The following SCIN variants were observed in gnomAD, a reference collection of about 807,000 sequenced individuals.
The protein encoded by SCIN is scinderin.
Under a neutral mutation model 91.8 loss-of-function variants are expected in SCIN, and 91 were observed. The observed-to-expected ratio is 0.99, with a 90% CI of 0.84 to 1.18. The LOEUF (loss-of-function observed/expected upper bound fraction) is 1.18. Ranked by LOEUF, SCIN falls within the 50% of genes most tolerant of loss-of-function variation. The pLI, the probability that SCIN is intolerant of heterozygous loss-of-function variation, is 0.00. For missense variants in SCIN, 1,087 were observed against 863.9 expected (o/e 1.26, Z -3.24); for synonymous variants, 367 against 312.6 (o/e 1.17, Z -1.84).
In SCIN at chr7:12,629,091, T is replaced by C; in HGVS notation, c.1198-10T>C. On this transcript the variant is annotated splice_polypyrimidine_tract_variant and intron_variant, in intron 8 of 15. Coordinates refer to ENST00000297029, the MANE Select transcript of SCIN (RefSeq NM_001112706.3). ...ATTGTAATTTGTTGTATATATTCCATTCCTTCCAGATTTGGCGTGTAGAAA... is the reference window on the plus strand; with the variant it reads ...ATTGTAATTTGTTGTATATATTCCACTCCTTCCAGATTTGGCGTGTAGAAA... 1.9e-6 allele frequency: 3 copies of C among 1,607,602 alleles called. No individual in the cohort carries two copies. Among genetic ancestry groups the C allele is most frequent in the Non-Finnish European group, 2.5e-6 (3 of 1,176,654 alleles).
At chr7:12,575,186 A>C (rs1171220344) in intron 1 of SCIN, among the ~76,000 whole-genome samples, 1 of 150,658 alleles carries the variant, frequency 6.6e-6, no homozygotes, top group African/African-American at 2.4e-5. Flanking sequence ...TTACTGATGA[A>C]TCTTGTATCC....
Position 12,581,021 on chromosome 7 carries a change from T to C in SCIN, c.355-39T>C, listed in dbSNP as rs2115211215. 6 of 1,541,766 alleles carry C rather than the reference T, an allele frequency of 3.9e-6. No homozygotes were observed. The East Asian group carries it at 1.5e-4, about 38-fold the overall frequency. ...CTAGGCAGACACCTCATCAGTTTTC[T>C]CTTTGTTTTTTGTGTGTCTGTCTTC... On this transcript the variant is annotated intron_variant, in intron 2 of 15. Transcript: ENST00000297029.
intron 1 of SCIN, among the ~76,000 whole-genome samples, chr7:12,574,232 A>T (rs1479618915): frequency 1.3e-5 from 2 of 152,168 alleles, no homozygotes; most frequent in Admixed American, 6.5e-5. Context: ...CAAACTATTG[A>T]TACATACAAC....
At chr7:12,618,489 T>C (rs1431865541) in intron 4 of SCIN, among the ~76,000 whole-genome samples, 1 of 152,126 alleles carries the variant, frequency 6.6e-6, no homozygotes, top group Admixed American at 6.6e-5. Flanking sequence ...ATTTTACTTA[T>C]GAATAAAGGA....
chr7:12,579,741 C>A (rs1782449982), intron 2 of SCIN, among the ~76,000 whole-genome samples: 1 of 152,180 alleles, frequency 6.6e-6, no homozygotes, highest in South Asian at 2.1e-4. Context: ...TATGGTGAAA[C>A]TCCCTCTACT....
rs1784072175 is a variant in SCIN at position 12,651,214 on chromosome 7, A to G, written c.1960-627A>G. On this transcript the variant is annotated intron_variant, in intron 14 of 15. Coordinates refer to ENST00000297029, the MANE Select transcript of SCIN (RefSeq NM_001112706.3). The surrounding 1 kb of genome is among the most constrained non-coding windows in gnomAD (Gnocchi z 5.9). ...GAGAGAAGAGGCCTGGCTAGGAAAG[A>G]TGGTCTTGTTATGGATAAAACCTCA... 6.6e-6 allele frequency among the ~76,000 whole-genome samples: 1 copy of G among 152,192 alleles called. No individual in the cohort carries two copies. The highest frequency in any genetic ancestry group is 1.5e-5 in the Non-Finnish European group (1 of 68,042).
chr7:12,579,214 A>G (rs1730905359), intron 2 of SCIN, among the ~76,000 whole-genome samples: 3 of 152,134 alleles, frequency 2.0e-5, no homozygotes, highest in Admixed American at 2.0e-4. Flanking sequence ...ACCTGTTCAG[A>G]GTCTTCGTTG....
intron 3 of SCIN, among the ~76,000 whole-genome samples, chr7:12,598,209 C>T (rs115856916): frequency 0.014 from 2,192 of 152,238 alleles, 59 homozygotes; most frequent in African/African-American, 0.05. Context: ...TTACCTATCA[C>T]ATTTATTCAG....
intron 4 of SCIN, among the ~76,000 whole-genome samples, chr7:12,605,583 A>G (rs1043102145): frequency 6.6e-6 from 1 of 152,188 alleles, no homozygotes; most frequent in Non-Finnish European, 1.5e-5. Context: ...CTGAAGATAA[A>G]TTTATACAAT....
chr7:12,608,103 G>C (rs141036045), intron 4 of SCIN, among the ~76,000 whole-genome samples: 1 of 152,184 alleles, frequency 6.6e-6, no homozygotes, highest in East Asian at 1.9e-4. Context: ...TAGATCTTCT[G>C]CTCACTAGTA....
intron 6 of SCIN, 124 bp downstream of exon 6, chr7:12,625,266 A>G (rs565345175): frequency 1.1e-6 from 1 of 875,498 alleles, no homozygotes; most frequent in African/African-American, 1.7e-5. Context: ...TGATCTATAA[A>G]TGTCTCACAT....
At chr7:12,594,034 G>A (rs1782784308) in intron 3 of SCIN, among the ~76,000 whole-genome samples, 1 of 152,240 alleles carries the variant, frequency 6.6e-6, no homozygotes, top group African/African-American at 2.4e-5. Context: ...CGTAGAAGGA[G>A]AAAGGGACGT....
chr7:12,612,324 G>A (rs761333021), intron 4 of SCIN, among the ~76,000 whole-genome samples: 2 of 152,012 alleles, frequency 1.3e-5, no homozygotes, highest in Non-Finnish European at 2.9e-5. Flanking sequence ...TCCATTTACC[G>A]ACTTACCATT....
At chr7:12,636,716 C>T (rs961810402) in intron 10 of SCIN, among the ~76,000 whole-genome samples, 4 of 152,024 alleles carry the variant, frequency 2.6e-5, no homozygotes, top group Admixed American at 6.6e-5. Flanking sequence ...ACTCAACCAG[C>T]GATTGCTAGC....
chr7:12,589,642 C>A (rs1175650060), intron 3 of SCIN: 1 of 152,224 alleles, frequency 6.6e-6, no homozygotes, highest in East Asian at 1.9e-4. Context: ...GTGAGGAGAT[C>A]TAAACCTCGA....
intron 3 of SCIN, among the ~76,000 whole-genome samples, chr7:12,582,082 G>T (rs1040845690): frequency 6.6e-6 from 1 of 152,152 alleles, no homozygotes; most frequent in African/African-American, 2.4e-5. Flanking sequence ...TGGGCCAAAC[G>T]TTGTAACGGA....
rs1784185263 is a variant in SCIN, at chr7:12,657,553, TATATATATATA to T, written c.*4839_*4849del. On this transcript the variant is annotated 3_prime_UTR_variant, in exon 16 of 16. Coordinates refer to ENST00000297029, the MANE Select transcript of SCIN (RefSeq NM_001112706.3). Reference sequence around the variant, plus strand: ...ATATGTGTGTGTATATATATATATATATATATATATATATATATATTTTTTTTTTTTTTTTT... The same window carrying T: ...ATATGTGTGTGTATATATATATATATTATATATATTTTTTTTTTTTTTTTT... 2 of 19,944 alleles carry T rather than the reference TATATATATATA, an allele frequency of 1.0e-4. No individual in the cohort carries two copies. 1.2% of individuals were successfully genotyped at this position (19,944 alleles called of 1,614,324 possible).
chr7:12,577,390 C>G (rs1782393871), intron 1 of SCIN, among the ~76,000 whole-genome samples: 1 of 152,120 alleles, frequency 6.6e-6, no homozygotes, highest in Non-Finnish European at 1.5e-5. Context: ...AAAGATTTAT[C>G]CTAATAAAGG....
intron 3 of SCIN, among the ~76,000 whole-genome samples, chr7:12,584,692 TAC>T (rs1171684731): frequency 6.6e-6 from 1 of 152,224 alleles, no homozygotes; most frequent in African/African-American, 2.4e-5. Context: ...CTTACCAATT[TAC>T]AGAGTCATTG....
Sources: allele counts gnomAD v4.1 joint callset (sites outside exome capture counted in the v4.1 genomes callset), GRCh38; gene constraint gnomAD v4.1.1; non-coding constraint Gnocchi (gnomAD v3.1); transcripts MANE v1.5; gene names NCBI Gene and HGNC (gene_info 2026-07-23, HGNC 2026-07-21).